CTNNA2: variants seen among roughly 807,000 people sequenced by gnomAD.
CTNNA2 encodes catenin alpha 2.
A neutral mutation model predicts 101.0 loss-of-function variants in CTNNA2; 42 were observed. The ratio of observed to expected loss-of-function variants is 0.42; its 90% CI spans 0.32 to 0.54. The LOEUF (loss-of-function observed/expected upper bound fraction) is 0.54, where lower values mean the gene tolerates loss of function less well. CTNNA2 is among the 20% of genes least tolerant of loss of function. CTNNA2 has a pLI of 0.14. For synonymous variants in CTNNA2, 450 were observed against 456.4 expected (o/e 0.99, Z 0.18); for missense variants, 871 against 1,223.1 (o/e 0.71, Z 4.29).
At chr2:79,394,874 T>C (rs901475475) in intron 4 of CTNNA2, among the ~76,000 whole-genome samples, 3 of 152,126 alleles carry the variant, frequency 2.0e-5, no homozygotes, top group African/African-American at 4.8e-5. Flanking sequence ...CCAGTCCAAA[T>C]AGACACTATC....
chr2:80,418,662 T>G (rs1027411247), intron 8 of CTNNA2, among the ~76,000 whole-genome samples: 3 of 152,206 alleles, frequency 2.0e-5, no homozygotes, highest in Non-Finnish European at 4.4e-5. Context: ...TTGGAAAACA[T>G]GCAGAGTGTT....
chr2:80,156,294 A>G (rs1703994276), intron 7 of CTNNA2, among the ~76,000 whole-genome samples: 1 of 152,210 alleles, frequency 6.6e-6, no homozygotes, highest in Non-Finnish European at 1.5e-5. Flanking sequence ...AAGATGTTCA[A>G]GTCCTCACGT....
At chr2:80,531,586 T>C (rs1270275891) in intron 9 of CTNNA2, among the ~76,000 whole-genome samples, 3 of 152,190 alleles carry the variant, frequency 2.0e-5, no homozygotes, top group Admixed American at 6.5e-5. Context: ...CTTTTGTCAA[T>C]GTTTGGGATG....
rs1285532736 is a variant in CTNNA2, at chr2:79,264,539, G to A, written c.-405-48170G>A. ...CATTAAAAAGAAAACTGAAGTTTAA[G>A]CAATGCTGTGATAATTAAGGCAGTT... On this transcript the variant is annotated intron_variant, in intron 2 of 21. Transcript: ENST00000466387. Among the ~76,000 whole-genome samples the A allele has an allele frequency of 3.9e-5, 6 of 152,108 alleles. No individual in the cohort carries two copies. The East Asian group carries it at 1.2e-3, about 29-fold the overall frequency.
intron 9 of CTNNA2, among the ~76,000 whole-genome samples, chr2:80,459,361 G>A (rs191857394): frequency 9.2e-5 from 14 of 152,132 alleles, no homozygotes; most frequent in African/African-American, 2.2e-4. Flanking sequence ...ATGAGAGGAC[G>A]TAGAAGACCA....
At chr2:80,079,974 C>A (rs942462498) in intron 7 of CTNNA2, among the ~76,000 whole-genome samples, 3 of 151,848 alleles carry the variant, frequency 2.0e-5, no homozygotes, top group African/African-American at 7.3e-5. Context: ...TTAAGATGAT[C>A]CATCTGCGTT....
At chr2:80,286,502 A>G (rs1012527462) in intron 7 of CTNNA2, among the ~76,000 whole-genome samples, 3 of 152,218 alleles carry the variant, frequency 2.0e-5, no homozygotes, top group Non-Finnish European at 4.4e-5. Context: ...GTGATGAAGT[A>G]GCTACTTATA....
At chr2:79,589,725 C>A (rs1010210481) in intron 1 of CTNNA2, among the ~76,000 whole-genome samples, 40 of 151,510 alleles carry the variant, frequency 2.6e-4, no homozygotes, top group Non-Finnish European at 4.9e-4. Flanking sequence ...TTTCCCCCCC[C>A]CGAGACACGA....
intron 2 of CTNNA2, among the ~76,000 whole-genome samples, chr2:79,268,478 G>A (rs183862001): frequency 6.6e-6 from 1 of 152,232 alleles, no homozygotes; most frequent in Non-Finnish European, 1.5e-5. Context: ...ATGTAAAGCA[G>A]TGTTTCCCTG....
intron 1 of CTNNA2, among the ~76,000 whole-genome samples, chr2:79,557,232 T>C (rs1485393805): frequency 6.6e-6 from 1 of 151,994 alleles, no homozygotes; most frequent in African/African-American, 2.4e-5. Context: ...AACCTACAAC[T>C]TTTGCCCGTT....
At chr2:79,594,744 T>A (rs1438690215) in intron 1 of CTNNA2, among the ~76,000 whole-genome samples, 4 of 152,146 alleles carry the variant, frequency 2.6e-5, no homozygotes, top group African/African-American at 7.2e-5. Context: ...TCTCTCTTTT[T>A]TATATATATC....
chr2:80,331,819 C>T (rs1671359739), intron 7 of CTNNA2, among the ~76,000 whole-genome samples: 1 of 152,126 alleles, frequency 6.6e-6, no homozygotes, highest in East Asian at 1.9e-4. Context: ...AACTGCTCCC[C>T]TCCAGAATCT....
intron 2 of CTNNA2, among the ~76,000 whole-genome samples, chr2:79,288,980 T>C (rs1675709416): frequency 6.6e-6 from 1 of 152,238 alleles, no homozygotes; most frequent in South Asian, 2.1e-4. Flanking sequence ...TTTTTTCTAC[T>C]ATAGGCATTA....
At chr2:79,640,723 A>G (rs777051309) in intron 1 of CTNNA2, among the ~76,000 whole-genome samples, 1 of 152,250 alleles carries the variant, frequency 6.6e-6, no homozygotes, top group Non-Finnish European at 1.5e-5. Context: ...GTACAAATAA[A>G]TATTTGGATA....
intron 2 of CTNNA2, among the ~76,000 whole-genome samples, chr2:79,680,427 T>G (rs971000931): frequency 6.6e-6 from 1 of 152,100 alleles, no homozygotes; most frequent in Non-Finnish European, 1.5e-5. Context: ...ATTTCTTATC[T>G]CTTTTCTCAC....
chr2:80,297,038 G>A (rs917606288), intron 7 of CTNNA2, among the ~76,000 whole-genome samples: 3 of 152,160 alleles, frequency 2.0e-5, no homozygotes, highest in Non-Finnish European at 4.4e-5. Context: ...CGGACTGAAT[G>A]TACTGGCCAT....
chr2:79,911,339 A>T (rs1428703231), intron 7 of CTNNA2, among the ~76,000 whole-genome samples: 1 of 152,272 alleles, frequency 6.6e-6, no homozygotes, highest in African/African-American at 2.4e-5. Flanking sequence ...ATTAATGAAT[A>T]GTTACTGCCA....
At chr2:79,551,319 G>A (rs1194720921) in intron 1 of CTNNA2, among the ~76,000 whole-genome samples, 4 of 152,122 alleles carry the variant, frequency 2.6e-5, no homozygotes, top group Non-Finnish European at 4.4e-5. Flanking sequence ...GGAAAAATGG[G>A]GGAGGGTAGA....
chr2:80,374,124 G>A (rs1675703756), intron 7 of CTNNA2, among the ~76,000 whole-genome samples: 1 of 151,868 alleles, frequency 6.6e-6, no homozygotes. Context: ...TTGTTATATT[G>A]ATGGACTGTA....
Sources: allele counts gnomAD v4.1 joint callset (sites outside exome capture counted in the v4.1 genomes callset), GRCh38; gene constraint gnomAD v4.1.1; transcripts MANE v1.5; gene names NCBI Gene and HGNC (gene_info 2026-07-23, HGNC 2026-07-21).